DNAJC24: variants seen among roughly 807,000 people sequenced by gnomAD.
The protein encoded by DNAJC24 is DnaJ heat shock protein family (Hsp40) member C24, also known as dnaJ homolog subfamily C member 24.
DNAJC24 carries 17 observed loss-of-function variants against 18.0 expected under a neutral mutation model. That is an observed-to-expected ratio of 0.94 (90% CI 0.65 to 1.42). DNAJC24 has a LOEUF of 1.42. Among genes scored for constraint, DNAJC24 ranks in the 40% most tolerant of loss-of-function variants. DNAJC24 has a pLI of 0.00. For missense variants in DNAJC24, 158 were observed against 175.6 expected (o/e 0.90, Z 0.57); for synonymous variants, 55 against 57.7 (o/e 0.95, Z 0.21).
chr11:31,419,407 G>A (rs867476508), intron 3 of DNAJC24, among the ~76,000 whole-genome samples: 9 of 151,934 alleles, frequency 5.9e-5, no homozygotes, highest in East Asian at 5.8e-4. Flanking sequence ...AGGTTCCCTC[G>A]CCCCAACTTA....
chr11:31,408,150 G>A (rs1223562644), intron 2 of DNAJC24: 1 of 456,166 alleles, frequency 2.2e-6, no homozygotes, highest in South Asian at 1.5e-5. Flanking sequence ...GTACATACTT[G>A]GAAGGACGCA....
rs1952914801 is a variant in DNAJC24, at chr11:31,430,778, A to G, written c.*377A>G. The G allele has an allele frequency of 6.5e-6, 1 of 152,852 alleles. No individual in the cohort carries two copies. The highest frequency in any genetic ancestry group is 2.1e-4 in the South Asian group (1 of 4,834). 9.5% of individuals were successfully genotyped at this position (152,852 alleles called of 1,614,324 possible). A position where few individuals can be genotyped will look rare whatever the true frequency, so the allele number is the denominator to read the frequency against. On this transcript the variant is annotated 3_prime_UTR_variant, in exon 5 of 5. Coordinates refer to ENST00000465995, the MANE Select transcript of DNAJC24 (RefSeq NM_181706.5). ...AGTTACTAAGTTTCTGGTCTAACCGATAACGTTTCTAGTTGCTAAAGTTAT... is the reference window on the plus strand; with the variant it reads ...AGTTACTAAGTTTCTGGTCTAACCGGTAACGTTTCTAGTTGCTAAAGTTAT...
intron 3 of DNAJC24, among the ~76,000 whole-genome samples, chr11:31,424,959 AGTTTTTTTTT>A (rs1283546225): frequency 2.6e-5 from 4 of 151,972 alleles, no homozygotes; most frequent in Non-Finnish European, 4.4e-5. Context: ...ATTTTAGTAG[AGTTTTTTTTT>A]GTTTTTTTCT....
At chr11:31,411,178 T>C (rs1275765340) in intron 2 of DNAJC24, among the ~76,000 whole-genome samples, 5 of 152,188 alleles carry the variant, frequency 3.3e-5, no homozygotes, top group African/African-American at 1.2e-4. Flanking sequence ...AAAATTAACA[T>C]AGACTTTGAG....
chr11:31,430,336 G>T lies in DNAJC24; in HGVS notation c.385G>T (p.Glu129Ter). Residue 129 changes from glutamate to a stop codon, truncating the protein, a stop_gained, in exon 5 of 5, where the codon GAA becomes TAA. Transcript: ENST00000465995. LOFTEE classifies it high-confidence loss of function. ...ATACAGTGTTTCCAAGGATGAAGCG[G>T]AAGAAGTTAGCCTGATTTCTTGTGA... ...GKYSVSKDEAEEVSLISCDTC... is the reference protein window; with the variant it reads ...GKYSVSKDEA The T allele has an allele frequency of 6.2e-7, 1 of 1,611,614 alleles. No homozygotes were observed. The highest frequency in any genetic ancestry group is 2.2e-5 in the East Asian group (1 of 44,748).
At chr11:31,399,622 C>T (rs1400029607) in intron 2 of DNAJC24, among the ~76,000 whole-genome samples, 3 of 151,596 alleles carry the variant, frequency 2.0e-5, no homozygotes, top group African/African-American at 7.3e-5. Context: ...ACATATTGGC[C>T]AGGCTGGCCT....
At chr11:31,418,421 ATAAC>A (rs981871410) in intron 3 of DNAJC24, among the ~76,000 whole-genome samples, 2 of 152,082 alleles carry the variant, frequency 1.3e-5, no homozygotes, top group African/African-American at 4.8e-5. Flanking sequence ...TCATAGGAAA[ATAAC>A]AGTTGTCATG....
intron 2 of DNAJC24, among the ~76,000 whole-genome samples, chr11:31,398,053 G>A (rs1476614493): frequency 3.9e-5 from 6 of 151,976 alleles, no homozygotes; most frequent in African/African-American, 1.2e-4. Flanking sequence ...CTCCTGCCTC[G>A]GCCTCCCAAA....
In DNAJC24 at chr11:31,370,732, C is replaced by T; in HGVS notation, c.-17C>T. 1.3e-6 allele frequency: 2 copies of T among 1,557,528 alleles called. No homozygotes were observed. The highest frequency in any genetic ancestry group is 2.3e-5 in the South Asian group (2 of 85,320). On this transcript the variant is annotated 5_prime_UTR_variant, in exon 2 of 5. Transcript: ENST00000465995. ...TCTATTCAGCTAATCTGAGAAGGCC[C>T]ACTTCTGGTTCCATGGATGATGGCG...
At chr11:31,377,784 A>T (rs1399834853) in intron 2 of DNAJC24, among the ~76,000 whole-genome samples, 1 of 152,102 alleles carries the variant, frequency 6.6e-6, no homozygotes, top group Non-Finnish European at 1.5e-5. Flanking sequence ...ATATTACAGG[A>T]TACTTCTCAG....
chr11:31,429,088 A>G (rs1952892900), intron 4 of DNAJC24, among the ~76,000 whole-genome samples: 1 of 152,170 alleles, frequency 6.6e-6, no homozygotes, highest in African/African-American at 2.4e-5. Flanking sequence ...GCTGTAGTAC[A>G]TAGATGTTGG....
intron 2 of DNAJC24, chr11:31,408,268 T>A (rs1357756582): frequency 2.2e-6 from 1 of 451,306 alleles, no homozygotes; most frequent in Admixed American, 2.4e-5. Context: ...TTAGCACGCG[T>A]AACAGTTGCT....
At chr11:31,382,065 T>C (rs1952382858) in intron 2 of DNAJC24, among the ~76,000 whole-genome samples, 1 of 152,224 alleles carries the variant, frequency 6.6e-6, no homozygotes, top group South Asian at 2.1e-4. Flanking sequence ...TTAGGGTTAG[T>C]ATATACTGTT....
chr11:31,432,563 C>T lies in DNAJC24; in HGVS notation c.*2162C>T. ...GTAAAAATCCAAAATCACTCAGAGG[C>T]CAAATCTGTAAAATCAAAATGAGGT... On this transcript the variant is annotated 3_prime_UTR_variant, in exon 5 of 5. Coordinates refer to ENST00000465995, the MANE Select transcript of DNAJC24 (RefSeq NM_181706.5). The T allele has an allele frequency of 1.2e-6, 2 of 1,609,794 alleles. No homozygotes were observed. Among genetic ancestry groups the T allele is most frequent in the Non-Finnish European group, 1.7e-6 (2 of 1,176,288 alleles).
intron 2 of DNAJC24, among the ~76,000 whole-genome samples, chr11:31,375,571 A>C (rs1261846393): frequency 7.4e-6 from 1 of 135,118 alleles, no homozygotes; most frequent in Non-Finnish European, 1.7e-5. Context: ...TTGAATAATT[A>C]ACAAAAGCAG....
chr11:31,432,585 A>G lies in DNAJC24; in HGVS notation c.*2184A>G. The G allele has an allele frequency of 1.3e-6, 2 of 1,579,660 alleles. No individual in the cohort carries two copies. The highest frequency in any genetic ancestry group is 2.2e-5 in the South Asian group (2 of 90,288). Reference sequence around the variant, plus strand: ...AGGCCAAATCTGTAAAATCAAAATGAGGTTGAAGACAATTAGTGAAAGTAA... The same window carrying G: ...AGGCCAAATCTGTAAAATCAAAATGGGGTTGAAGACAATTAGTGAAAGTAA... On this transcript the variant is annotated 3_prime_UTR_variant, in exon 5 of 5. Transcript: ENST00000465995.
chr11:31,426,724 TGAC>T (rs150228604), intron 4 of DNAJC24: 2,574 of 159,030 alleles, frequency 0.016, 76 homozygotes, highest in African/African-American at 0.059. Context: ...CTTTTAATGT[TGAC>T]AAGATGAATT....
At chr11:31,429,878 CAGGT>C (rs1952903335) in intron 4 of DNAJC24, 1 of 156,020 alleles carries the variant, frequency 6.4e-6, no homozygotes, top group South Asian at 1.9e-4. Flanking sequence ...AACAGTGAGA[CAGGT>C]AGGGCTGTTT....
chr11:31,381,630 A>G (rs965628965), intron 2 of DNAJC24, among the ~76,000 whole-genome samples: 1 of 150,546 alleles, frequency 6.6e-6, no homozygotes, highest in Non-Finnish European at 1.5e-5. Flanking sequence ...GCTGGAGTAC[A>G]GGGATGTTAT....
Sources: allele counts gnomAD v4.1 joint callset (sites outside exome capture counted in the v4.1 genomes callset), GRCh38; gene constraint gnomAD v4.1.1; transcripts MANE v1.5; gene names NCBI Gene and HGNC (gene_info 2026-07-23, HGNC 2026-07-21).